MTX2: variants seen among roughly 807,000 people sequenced by gnomAD.
MTX2 encodes metaxin 2.
MTX2 carries 35 observed loss-of-function variants against 42.3 expected under a neutral mutation model. The observed-to-expected ratio is 0.83, with a 90% CI of 0.63 to 1.10. The LOEUF is 1.10. Ranked by LOEUF, MTX2 falls within the 50% of genes least tolerant of loss-of-function variation. The probability of loss-of-function intolerance (pLI) is 0.00; values close to 1 mark genes in which losing one functional copy is unlikely to be tolerated. For synonymous variants in MTX2, 119 were observed against 100.9 expected, an observed-to-expected ratio of 1.18 and a Z score of -1.08; for missense variants, 307 against 304.1, an observed-to-expected ratio of 1.01 and a Z score of -0.07.
chr2:176,337,751 C>A lies in MTX2; in HGVS notation c.*87C>A. 1.6e-6 allele frequency: 2 copies of A among 1,242,070 alleles called. No homozygotes were observed. Among genetic ancestry groups the A allele is most frequent in the Non-Finnish European group, 2.2e-6 (2 of 910,646 alleles). The allele number at this position is 1,242,070 out of a possible 1,614,324, so 76.9% of individuals were successfully genotyped here. The stretch of plus-strand genomic sequence containing the variant: ...AGATATTGGTGTCAGAATTTTAAAA[C>A]CAAATTACTGCTTTTTGAAACCTCA... On this transcript the variant is annotated 3_prime_UTR_variant, in exon 10 of 10. Transcript: ENST00000249442.
At chr2:176,330,562 TG>T in intron 8 of MTX2, 21 bp from the exon 9 acceptor site, 2 of 1,507,968 alleles carry the variant, frequency 1.3e-6, no homozygotes, top group African/African-American at 1.4e-5. Flanking sequence ...TACTTTTCCT[TG>T]GGGTTCATTG....
chr2:176,277,463 T>C (rs1236228093), intron 1 of MTX2, among the ~76,000 whole-genome samples: 1 of 152,068 alleles, frequency 6.6e-6, no homozygotes, highest in Non-Finnish European at 1.5e-5. Context: ...AGTGCAGTGG[T>C]ACAATCTTGG....
intron 1 of MTX2, among the ~76,000 whole-genome samples, chr2:176,287,460 A>G (rs1227408702): frequency 1.3e-5 from 2 of 152,176 alleles, no homozygotes; most frequent in Non-Finnish European, 2.9e-5. Context: ...AGTGTTTTGG[A>G]TGTTTGATTT....
chr2:176,296,895 C>A lies in MTX2; in HGVS notation c.76C>A (p.Gln26Lys). The A allele has an allele frequency of 1.2e-6, 2 of 1,613,248 alleles. No homozygotes were observed. The highest frequency in any genetic ancestry group is 1.7e-6 in the Non-Finnish European group (2 of 1,179,436). ...TTGGCCTGAAAATGCTACATTATAT[C>A]AGCAATTGAAAGGTAAGTCTTGTTC... ...EPWPENATLYQQLKGEQILLS... is the reference protein window; with the variant it reads ...EPWPENATLYKQLKGEQILLS... Residue 26 changes from glutamine to lysine, a missense_variant, in exon 2 of 10, where the codon CAG (glutamine) becomes AAG (lysine). Coordinates refer to ENST00000249442, the MANE Select transcript of MTX2 (RefSeq NM_006554.5).
rs759326434 is a variant in MTX2, at chr2:176,329,366, A to G, written c.483A>G (p.Lys161=). 3 of 1,608,066 alleles carry G rather than the reference A, an allele frequency of 1.9e-6. No homozygotes were observed. The Admixed American group carries it at 5.0e-5, about 27-fold the overall frequency. ...WPLNHILAYQ[K]QWEVKRKMKA... ...TGAATCATATTTTGGCCTATCAAAA[A>G]CAGTGGGAAGTCAAACGTAAGATGA... Residue 161 remains lysine (K), a synonymous_variant, in exon 8 of 10, where the codon AAA becomes AAG. Coordinates refer to ENST00000249442, the MANE Select transcript of MTX2 (RefSeq NM_006554.5).
chr2:176,285,467 A>G (rs997680603), intron 1 of MTX2, among the ~76,000 whole-genome samples: 1 of 144,522 alleles, frequency 6.9e-6, no homozygotes, highest in Non-Finnish European at 1.5e-5. Context: ...CAGTTACCAC[A>G]GTCTAACAGT....
chr2:176,275,241 ATTTT>A (rs200488729), intron 1 of MTX2, among the ~76,000 whole-genome samples: 2 of 145,448 alleles, frequency 1.4e-5, no homozygotes, highest in African/African-American at 2.5e-5. Flanking sequence ...TGGATTTAGA[ATTTT>A]TTTTTTTTTT....
intron 1 of MTX2, among the ~76,000 whole-genome samples, chr2:176,295,625 T>C (rs1207672874): frequency 6.6e-6 from 1 of 152,206 alleles, no homozygotes; most frequent in Non-Finnish European, 1.5e-5. Flanking sequence ...TAATTTTGTG[T>C]AGCCCAAACC....
At chr2:176,306,264 G>A (rs1327086213) in intron 3 of MTX2, among the ~76,000 whole-genome samples, 1 of 152,192 alleles carries the variant, frequency 6.6e-6, no homozygotes, top group Non-Finnish European at 1.5e-5. Context: ...TGGCTGCATA[G>A]TATTCCATGG....
At chr2:176,320,295 T>C (rs1428448297) in intron 3 of MTX2, among the ~76,000 whole-genome samples, 2 of 152,138 alleles carry the variant, frequency 1.3e-5, no homozygotes, top group Non-Finnish European at 2.9e-5. Flanking sequence ...ACAATTCTGC[T>C]TTTATTTTAA....
intron 1 of MTX2, among the ~76,000 whole-genome samples, chr2:176,286,910 A>G (rs1693218154): frequency 6.6e-6 from 1 of 152,132 alleles, no homozygotes. Context: ...GTTGCTGGAG[A>G]TAGTTATTTG....
chr2:176,285,269 T>C (rs997893175), intron 1 of MTX2, among the ~76,000 whole-genome samples: 2 of 152,184 alleles, frequency 1.3e-5, no homozygotes, highest in Non-Finnish European at 2.9e-5. Context: ...ATGTTTAATA[T>C]ATGTCAAGCA....
intron 1 of MTX2, among the ~76,000 whole-genome samples, chr2:176,272,527 A>T (rs1692843576): frequency 6.6e-6 from 1 of 152,138 alleles, no homozygotes; most frequent in South Asian, 2.1e-4. Context: ...TACCTCCTAA[A>T]TGTACAGTTA....
intron 9 of MTX2, among the ~76,000 whole-genome samples, chr2:176,336,642 A>C (rs1040041848): frequency 2.6e-5 from 4 of 152,140 alleles, no homozygotes; most frequent in African/African-American, 7.2e-5. Flanking sequence ...ATTTAGTGAG[A>C]AAAGTAATGA....
At chr2:176,306,019 T>A (rs1403721835) in intron 3 of MTX2, among the ~76,000 whole-genome samples, 2 of 152,102 alleles carry the variant, frequency 1.3e-5, no homozygotes, top group African/African-American at 4.8e-5. Flanking sequence ...ACCCATCTAC[T>A]CATCATTTAC....
chr2:176,286,830 T>G (rs1053502628), intron 1 of MTX2, among the ~76,000 whole-genome samples: 1 of 152,242 alleles, frequency 6.6e-6, no homozygotes, highest in African/African-American at 2.4e-5. Flanking sequence ...ATTACAGGCG[T>G]GAGCCACCAT....
rs1284956218 is a variant in MTX2 at position 176,330,486 on chromosome 2, TA to T, written c.544-97del. ...ATTATAAAAGGTTAACTTAAATTTATATTTTTGTTATAAACTGTGATACAAG... is the reference window on the plus strand; with the variant it reads ...ATTATAAAAGGTTAACTTAAATTTATTTTTTGTTATAAACTGTGATACAAG... On this transcript the variant is annotated intron_variant, in intron 8 of 9. Coordinates refer to ENST00000249442, the MANE Select transcript of MTX2 (RefSeq NM_006554.5). The T allele has an allele frequency of 6.7e-6, 5 of 745,956 alleles. No individual in the cohort carries two copies. The African/African-American group carries it at 8.8e-5, about 13-fold the overall frequency. 46.2% of individuals were successfully genotyped at this position (745,956 alleles called of 1,614,324 possible). A position where few individuals can be genotyped will look rare whatever the true frequency, so the allele number is the denominator to read the frequency against.
chr2:176,335,673 G>A (rs55927775), intron 9 of MTX2, among the ~76,000 whole-genome samples: 3,630 of 152,176 alleles, frequency 0.024, 146 homozygotes, highest in Admixed American at 0.11. Context: ...GAACTCAAGA[G>A]TAGCCCCTAA....
At chr2:176,272,173 A>G (rs1032336530) in intron 1 of MTX2, among the ~76,000 whole-genome samples, 1 of 152,210 alleles carries the variant, frequency 6.6e-6, no homozygotes, top group African/African-American at 2.4e-5. Flanking sequence ...TCTAAAATCT[A>G]ATCTTTTTGG....
Sources: gnomAD v4.1 joint callset for allele counts (sites outside exome capture counted in the v4.1 genomes callset) on GRCh38, gnomAD v4.1.1 for gene constraint, MANE v1.5 for transcripts, NCBI Gene and HGNC (gene_info 2026-07-23, HGNC 2026-07-21) for gene names.